Variants in ANGPT2 observed in about 807,000 individuals in gnomAD.
ANGPT2 encodes angiopoietin 2.
ANGPT2 carries 28 observed loss-of-function variants against 62.9 expected under a neutral mutation model. The observed-to-expected ratio is 0.44, with a 90% CI of 0.33 to 0.61. The LOEUF is 0.61. ANGPT2 is among the 20% of genes least tolerant of loss of function. The pLI is 0.03. For missense variants in ANGPT2, 727 were observed against 594.9 expected (o/e 1.22, Z -2.31); for synonymous variants, 284 against 207.8 (o/e 1.37, Z -3.15).
At chr8:6,526,434 CA>C (rs796967069) in intron 3 of ANGPT2, among the ~76,000 whole-genome samples, 13 of 138,898 alleles carry the variant, frequency 9.4e-5, no homozygotes, top group South Asian at 2.3e-4. Flanking sequence ...GACCCTGTCT[CA>C]AAAAAAAAAC....
intron 1 of ANGPT2, among the ~76,000 whole-genome samples, chr8:6,539,179 G>T (rs55702698): frequency 0.017 from 2,644 of 152,280 alleles, 70 homozygotes; most frequent in African/African-American, 0.056. Context: ...TAAACCCCTC[G>T]CCAGAGCCTG....
intron 1 of ANGPT2, among the ~76,000 whole-genome samples, chr8:6,556,770 T>A (rs1824686414): frequency 1.3e-5 from 2 of 152,048 alleles, no homozygotes; most frequent in Admixed American, 1.3e-4. Flanking sequence ...CGTGCCATTG[T>A]AGAGATGGGG....
chr8:6,556,458 C>T (rs554607578), intron 1 of ANGPT2, among the ~76,000 whole-genome samples: 2 of 152,080 alleles, frequency 1.3e-5, no homozygotes, highest in Admixed American at 1.3e-4. Flanking sequence ...ATCCCCACCC[C>T]ACAGTCCCTC....
chr8:6,520,786 G>C (rs913610466), intron 4 of ANGPT2, among the ~76,000 whole-genome samples: 2 of 152,208 alleles, frequency 1.3e-5, no homozygotes, highest in African/African-American at 4.8e-5. Context: ...AAGGGAACTA[G>C]CATCTCTTAA....
In ANGPT2 at chr8:6,499,651, T is replaced by A. The variant is rs1811762117; in HGVS notation, c.*3450A>T. 1 of 540,214 alleles carries A rather than the reference T, an allele frequency of 1.9e-6. No individual in the cohort carries two copies. Among genetic ancestry groups the A allele is most frequent in the African/African-American group, 1.9e-5 (1 of 52,816 alleles). The allele number at this position is 540,214 out of a possible 1,614,324, so 33.5% of individuals were successfully genotyped here. ...CTCAGATTTCTTGTTATCGTGAGAC[T>A]TTTTCTCAATCAACTTTTTATTAAT... On this transcript the variant is annotated 3_prime_UTR_variant, in exon 9 of 9. Transcript: ENST00000629816.
intron 1 of ANGPT2, among the ~76,000 whole-genome samples, chr8:6,552,276 A>G (rs1301299203): frequency 1.3e-5 from 2 of 152,180 alleles, no homozygotes; most frequent in Non-Finnish European, 2.9e-5. Context: ...ACCTGAAGGG[A>G]TGAAATTACA....
chr8:6,549,072 G>C (rs1363691360), intron 1 of ANGPT2, among the ~76,000 whole-genome samples: 1 of 152,200 alleles, frequency 6.6e-6, no homozygotes, highest in Non-Finnish European at 1.5e-5. Context: ...TCATTAGAAG[G>C]CAGGTTAGTC....
chr8:6,510,575 A>T (rs759750892), intron 7 of ANGPT2, among the ~76,000 whole-genome samples: 7 of 152,238 alleles, frequency 4.6e-5, no homozygotes, highest in Non-Finnish European at 1.0e-4. Context: ...AACCACCTGC[A>T]GTGGTGGCCG....
intron 1 of ANGPT2, among the ~76,000 whole-genome samples, chr8:6,558,245 T>A (rs1824967875): frequency 6.6e-6 from 1 of 152,184 alleles, no homozygotes; most frequent in Non-Finnish European, 1.5e-5. Flanking sequence ...AATCTCTGAG[T>A]GCTAATCTCC....
chr8:6,562,654 A>G lies in ANGPT2; in HGVS notation c.281T>C (p.Leu94Pro). 1 of 1,475,816 alleles carries G rather than the reference A, an allele frequency of 6.8e-7. No homozygotes were observed. Among genetic ancestry groups the G allele is most frequent in the Non-Finnish European group, 9.2e-7 (1 of 1,091,496 alleles). 91.4% of individuals were successfully genotyped at this position (1,475,816 alleles called of 1,614,324 possible). ...ENIMENNTQW[L>P]MKLENYIQDN... ...GATGGATTTTTTTCCTACCTTCATT[A>G]GCCACTGAGTGTTGTTTTCCATGAT... The change falls in exon 1 of 9, where the codon CTA becomes CCA. Residue 94 changes from leucine (L) to proline (P), a missense_variant. Transcript: ENST00000629816.
intron 1 of ANGPT2, among the ~76,000 whole-genome samples, chr8:6,542,214 T>C (rs1450197392): frequency 1.3e-5 from 2 of 152,202 alleles, no homozygotes; most frequent in Non-Finnish European, 2.9e-5. Context: ...CTCAGTGTTT[T>C]TCTATGCCAA....
intron 1 of ANGPT2, among the ~76,000 whole-genome samples, chr8:6,553,198 C>T (rs774515388): frequency 2.0e-5 from 3 of 151,958 alleles, no homozygotes; most frequent in African/African-American, 7.3e-5. Flanking sequence ...GTGTGTGCCA[C>T]GGAGGGGGGA....
intron 7 of ANGPT2, among the ~76,000 whole-genome samples, chr8:6,510,789 G>T (rs1814900319): frequency 6.6e-6 from 1 of 152,222 alleles, no homozygotes; most frequent in Non-Finnish European, 1.5e-5. Flanking sequence ...GTGATGTGGA[G>T]TTCTGTAAGT....
In ANGPT2 at chr8:6,508,670, C is replaced by G. The variant is rs963083821; in HGVS notation, c.1327+262G>C. On this transcript the variant is annotated intron_variant, in intron 8 of 8. Transcript: ENST00000629816. ...AAACGCAGGAGAGCTTGCTAAGAATCAAATATCCCCTCTCCTTGCCAGGGC... is the reference window on the plus strand; with the variant it reads ...AAACGCAGGAGAGCTTGCTAAGAATGAAATATCCCCTCTCCTTGCCAGGGC... 34 of 590,870 alleles carry G rather than the reference C, an allele frequency of 5.8e-5. No homozygotes were observed. In the African/African-American group the frequency reaches 6.0e-4, roughly 10 times the overall value. 36.6% of individuals were successfully genotyped at this position (590,870 alleles called of 1,614,324 possible).
chr8:6,511,553 A>G (rs1012505190), intron 7 of ANGPT2, among the ~76,000 whole-genome samples: 15 of 149,458 alleles, frequency 1.0e-4, no homozygotes, highest in African/African-American at 2.8e-4. Context: ...TTCTTCTGGG[A>G]AAAAAAAATC....
At chr8:6,553,264 A>T (rs1401198977) in intron 1 of ANGPT2, among the ~76,000 whole-genome samples, 1 of 152,144 alleles carries the variant, frequency 6.6e-6, no homozygotes, top group African/African-American at 2.4e-5. Context: ...AAACTGCTCT[A>T]AAAAACATAG....
chr8:6,548,293 A>G (rs1040229445), intron 1 of ANGPT2, among the ~76,000 whole-genome samples: 4 of 152,058 alleles, frequency 2.6e-5, no homozygotes, highest in Admixed American at 2.6e-4. Context: ...TAGACCTGAC[A>G]GGACTCTACT....
Position 6,547,372 on chromosome 8 carries a change from G to T in ANGPT2, c.289-14885C>A, listed in dbSNP as rs191642402. ...CCCCTCTCTTTAACCCTCTTGCCTT[G>T]CATATGTGTCTCTTGCAATGGAAGC... On this transcript the variant is annotated intron_variant, in intron 1 of 8. Coordinates refer to ENST00000629816, the MANE Select transcript of ANGPT2 (RefSeq NM_001118887.2). Among the ~76,000 whole-genome samples, 7 of 152,046 alleles carry T rather than the reference G, an allele frequency of 4.6e-5. 1 individual carries two copies. Among genetic ancestry groups the T allele is most frequent in the Admixed American group, 3.9e-4 (6 of 15,280 alleles).
At chr8:6,505,273 T>A (rs1563305416) in intron 8 of ANGPT2, among the ~76,000 whole-genome samples, 4,497 of 30,350 alleles carry the variant, frequency 0.15, 838 homozygotes, top group East Asian at 0.35. Flanking sequence ...TATATATATG[T>A]ATACATATAT....
Sources: allele counts gnomAD v4.1 joint callset (sites outside exome capture counted in the v4.1 genomes callset), GRCh38; gene constraint gnomAD v4.1.1; transcripts MANE v1.5; gene names NCBI Gene and HGNC (gene_info 2026-07-23, HGNC 2026-07-21).